Variants in PUM1 observed in about 807,000 individuals in gnomAD.
PUM1 encodes pumilio homolog 1.
A neutral mutation model predicts 131.8 loss-of-function variants in PUM1; 13 were observed. The ratio of observed to expected loss-of-function variants is 0.10; its 90% confidence interval spans 0.06 to 0.16. The LOEUF is 0.16. Ranked by LOEUF, PUM1 falls within the 10% of genes least tolerant of loss-of-function variation. The probability of loss-of-function intolerance (pLI) is 1.00; values close to 1 mark genes in which losing one functional copy is unlikely to be tolerated. For missense variants in PUM1, 961 were observed against 1,512.4 expected (o/e 0.64, Z 6.05); for synonymous variants, 509 against 556.5 (o/e 0.91, Z 1.20).
intron 10 of PUM1, among the ~76,000 whole-genome samples, chr1:30,970,571 G>C (rs1004704591): frequency 6.6e-6 from 1 of 152,190 alleles, no homozygotes; most frequent in Non-Finnish European, 1.5e-5. Flanking sequence ...AAGAGAAAGT[G>C]TGTTTCAAAC....
chr1:31,052,479 A>G (rs1351705769), intron 2 of PUM1, among the ~76,000 whole-genome samples: 1 of 150,998 alleles, frequency 6.6e-6, no homozygotes, highest in African/African-American at 2.4e-5. Context: ...CCTGGGCTCA[A>G]GTGATCCTCC....
intron 12 of PUM1, 166 bp downstream of exon 12, chr1:30,967,001 G>A (rs902998477): frequency 2.1e-5 from 15 of 700,206 alleles, no homozygotes; most frequent in African/African-American, 7.4e-5. Flanking sequence ...ACAAAAAGGA[G>A]AATCCACTAA....
At chr1:30,975,949 G>T (rs898724901) in intron 9 of PUM1, among the ~76,000 whole-genome samples, 3 of 151,936 alleles carry the variant, frequency 2.0e-5, no homozygotes, top group African/African-American at 7.3e-5. Context: ...TTAGCCGGAC[G>T]TGGTGGCAGA....
intron 7 of PUM1, among the ~76,000 whole-genome samples, chr1:30,990,362 G>A (rs1641740521): frequency 6.6e-6 from 1 of 152,140 alleles, no homozygotes; most frequent in African/African-American, 2.4e-5. Flanking sequence ...AACACAAAAT[G>A]CTATGGAGTT....
chr1:31,062,426 C>G (rs951115628), intron 1 of PUM1, among the ~76,000 whole-genome samples: 2 of 152,086 alleles, frequency 1.3e-5, no homozygotes, highest in Non-Finnish European at 2.9e-5. Context: ...TCCAGACCAG[C>G]CTGGCCAATA....
chr1:30,941,021 T>C (rs1261446554), intron 20 of PUM1, 130 bp downstream of exon 20: 2 of 1,096,132 alleles, frequency 1.8e-6, no homozygotes, highest in South Asian at 2.1e-5. Flanking sequence ...AATAAAACTA[T>C]TTGACTTTTA....
At chr1:31,054,093 C>CCAAA (rs1553153860) in intron 2 of PUM1, among the ~76,000 whole-genome samples, 11 of 54,882 alleles carry the variant, frequency 2.0e-4, no homozygotes, top group Non-Finnish European at 2.7e-4. Context: ...GACTTTATTT[C>CCAAA]AAAAAAAAAA....
At chr1:31,055,384 G>A (rs1011242803) in intron 2 of PUM1, 13 of 456,052 alleles carry the variant, frequency 2.9e-5, no homozygotes, top group African/African-American at 2.2e-4. Flanking sequence ...ATACCTCCTG[G>A]AAAAGGGGCA....
chr1:30,979,605 A>G (rs2124466678), intron 9 of PUM1, among the ~76,000 whole-genome samples: 1 of 152,310 alleles, frequency 6.6e-6, no homozygotes, highest in East Asian at 1.9e-4. Context: ...AAAAAGGGAA[A>G]TCAATAAAAG....
At chr1:30,973,233 T>C (rs1640997718) in intron 10 of PUM1, among the ~76,000 whole-genome samples, 1 of 145,476 alleles carries the variant, frequency 6.9e-6, no homozygotes, top group Admixed American at 6.8e-5. Flanking sequence ...GTTTTTTTTT[T>C]CTGTAATTGT....
At chr1:31,038,984 A>ATATATATATTTTTT in intron 2 of PUM1, among the ~76,000 whole-genome samples, 16 of 49,416 alleles carry the variant, frequency 3.2e-4, no homozygotes, top group Non-Finnish European at 4.3e-4. Context: ...ATATATATAT[A>ATATATATATTTTTT]TTTTTTTTTT....
intron 2 of PUM1, among the ~76,000 whole-genome samples, chr1:31,035,467 G>C (rs1226078599): frequency 6.6e-6 from 1 of 151,962 alleles, no homozygotes; most frequent in Non-Finnish European, 1.5e-5. Context: ...AAAGCAAGAA[G>C]TTGGTGGGGC....
At chr1:30,972,671 G>A (rs1640966167) in intron 10 of PUM1, among the ~76,000 whole-genome samples, 1 of 151,260 alleles carries the variant, frequency 6.6e-6, no homozygotes, top group African/African-American at 2.4e-5. Flanking sequence ...CTACTCAGGA[G>A]GCTGAGGCAG....
intron 9 of PUM1, among the ~76,000 whole-genome samples, chr1:30,975,343 GTTTGTTTTT>G (rs1234093672): frequency 5.7e-4 from 71 of 124,524 alleles, no homozygotes; most frequent in African/African-American, 2.0e-3. Context: ...TGCTGTTACT[GTTTGTTTTT>G]TTTGTTTTTT....
In PUM1 at chr1:31,006,017, G is replaced by C. The variant is rs755284658; in HGVS notation, c.556C>G (p.Gln186Glu). 1.2e-5 allele frequency: 20 copies of C among 1,601,242 alleles called. No individual in the cohort carries two copies. Among genetic ancestry groups the C allele is most frequent in the Non-Finnish European group, 1.7e-5 (20 of 1,175,448 alleles). ...GGTCTTCTCTGCACCATGATTGGCT[G>C]GGAAACTGAATGATCTACAAAAAAG... Reference protein sequence around the residue: ...AWGTSDHSVSQPIMVQRRPGQ... With the variant: ...AWGTSDHSVSEPIMVQRRPGQ... The change falls in exon 5 of 22, where the codon CAG becomes GAG. Residue 186 changes from glutamine (Q) to glutamate (E), a missense_variant. This residue lies in a region of PUM1 where 654 missense variants were observed against 923.9 expected (regional missense o/e 0.71). Transcript: ENST00000426105.
chr1:30,953,693 G>A (rs1278371276), intron 15 of PUM1, 21 bp downstream of exon 15: 7 of 1,612,450 alleles, frequency 4.3e-6, no homozygotes, highest in South Asian at 1.1e-5. Flanking sequence ...GTACCTTAAA[G>A]TGCCAAAGCC....
intron 14 of PUM1, among the ~76,000 whole-genome samples, chr1:30,960,220 G>A (rs1019215459): frequency 3.9e-5 from 6 of 152,168 alleles, no homozygotes; most frequent in Non-Finnish European, 2.9e-5. Flanking sequence ...TTTGGAATAC[G>A]TGAATTATAT....
intron 2 of PUM1, among the ~76,000 whole-genome samples, chr1:31,053,152 A>C (rs979669481): frequency 6.6e-6 from 1 of 151,180 alleles, no homozygotes; most frequent in African/African-American, 2.4e-5. Flanking sequence ...GATTACAGGC[A>C]CGTGCCACCA....
intron 3 of PUM1, among the ~76,000 whole-genome samples, chr1:31,012,070 C>A (rs970018654): frequency 1.2e-4 from 18 of 152,144 alleles, no homozygotes; most frequent in African/African-American, 4.1e-4. Flanking sequence ...TTACACTGGA[C>A]ACTAAAAACA....
Sources: gnomAD v4.1 joint callset for allele counts (sites outside exome capture counted in the v4.1 genomes callset) on GRCh38, gnomAD v4.1.1 for gene constraint, gnomAD v4.1.1 regional missense constraint, MANE v1.5 for transcripts, NCBI Gene and HGNC (gene_info 2026-07-23, HGNC 2026-07-21) for gene names.